The following DMC1 variants were observed in gnomAD, a reference collection of about 807,000 sequenced individuals.
The protein encoded by DMC1 is DNA meiotic recombinase 1.
Under a neutral mutation model 50.1 loss-of-function variants are expected in DMC1, and 27 were observed. The ratio of observed to expected loss-of-function variants is 0.54; its 90% CI spans 0.40 to 0.74. The LOEUF (loss-of-function observed/expected upper bound fraction) is 0.74, where lower values mean the gene tolerates loss of function less well. DMC1 is among the 30% of genes least tolerant of loss of function. DMC1 has a pLI of 0.00. For missense variants in DMC1, 295 were observed against 420.2 expected, an observed-to-expected ratio of 0.70 and a Z score of 2.60; for synonymous variants, 148 against 136.1, an observed-to-expected ratio of 1.09 and a Z score of -0.61.
rs373409161 is a variant in DMC1, at chr22:38,569,423, G to A, written c.-34+620C>T. 1.2e-4 allele frequency: 18 copies of A among 152,208 alleles called. 1 individual carries two copies. The East Asian group carries it at 2.9e-3, about 24-fold the overall frequency. The allele number at this position is 152,208 out of a possible 1,614,324, so 9.4% of individuals were successfully genotyped here. On this transcript the variant is annotated intron_variant, in intron 1 of 13. Transcript: ENST00000216024. ...AAAGGGAACGAACCATTAATACTAAGGCAGGAGCAGGGTCCTACCACCCAG... is the reference window on the plus strand; with the variant it reads ...AAAGGGAACGAACCATTAATACTAAAGCAGGAGCAGGGTCCTACCACCCAG...
intron 8 of DMC1, among the ~76,000 whole-genome samples, chr22:38,545,281 C>T (rs535140263): frequency 1.8e-4 from 27 of 152,064 alleles, no homozygotes; most frequent in Admixed American, 9.2e-4. Context: ...CATGGTGGCA[C>T]GCACCTGTAG....
At chr22:38,550,653 G>A (rs1425309704) in intron 7 of DMC1, among the ~76,000 whole-genome samples, 4 of 149,980 alleles carry the variant, frequency 2.7e-5, no homozygotes, top group African/African-American at 7.3e-5. Context: ...AAATATGGCC[G>A]GGCATGGTGG....
chr22:38,559,132 C>T (rs562367254), intron 5 of DMC1, among the ~76,000 whole-genome samples: 4 of 152,252 alleles, frequency 2.6e-5, no homozygotes, highest in Admixed American at 2.0e-4. Context: ...CAGGTTCAAG[C>T]GATTCTCCTG....
chr22:38,554,748 G>T (rs940403684), intron 6 of DMC1, among the ~76,000 whole-genome samples: 1 of 151,714 alleles, frequency 6.6e-6, no homozygotes, highest in Admixed American at 6.6e-5. Context: ...AACATTAATT[G>T]CCTAGAAATA....
intron 5 of DMC1, among the ~76,000 whole-genome samples, chr22:38,559,797 A>C (rs1249870855): frequency 3.3e-5 from 5 of 152,032 alleles, no homozygotes; most frequent in Non-Finnish European, 7.4e-5. Context: ...GAAGCGGTGG[A>C]TCATGGGATC....
intron 8 of DMC1, among the ~76,000 whole-genome samples, chr22:38,542,213 G>C (rs1371669312): frequency 6.6e-6 from 1 of 151,324 alleles, no homozygotes; most frequent in Non-Finnish European, 1.5e-5. Context: ...AGAGCAATCA[G>C]ACAAGAGAAA....
At position 38,555,218 on chromosome 22, in the gene DMC1, T is replaced by A. The variant is rs2090457107; in HGVS notation, c.379+139A>T. 4.9e-6 allele frequency: 3 copies of A among 617,446 alleles called. No individual in the cohort carries two copies. In the Admixed American group the frequency reaches 8.5e-5, roughly 18 times the overall value. 38.2% of individuals were successfully genotyped at this position (617,446 alleles called of 1,614,324 possible). A position where few individuals can be genotyped will look rare whatever the true frequency, so the allele number is the denominator to read the frequency against. ...AGTACAGAATGATCTCATGTTATGA[T>A]AATTGAGATTTTGTAAGTTCCAAAA... is the stretch of plus-strand genomic sequence containing the variant. On this transcript the variant is annotated intron_variant, in intron 6 of 13. Coordinates refer to ENST00000216024, the MANE Select transcript of DMC1 (RefSeq NM_007068.4).
In DMC1 at chr22:38,567,477, G is replaced by A. The variant is rs2090591914; in HGVS notation, c.96+106C>T. On this transcript the variant is annotated intron_variant, in intron 3 of 13. Coordinates refer to ENST00000216024, the MANE Select transcript of DMC1 (RefSeq NM_007068.4). The stretch of plus-strand genomic sequence containing the variant: ...TGTTGCAAACACCCTACAATGCACA[G>A]GACGTCCCCTTGCAACAAAGAATTA... The A allele has an allele frequency of 1.3e-5, 12 of 943,126 alleles. No individual in the cohort carries two copies. In the Admixed American group the frequency reaches 1.9e-4, roughly 15 times the overall value. The allele number at this position is 943,126 out of a possible 1,614,324, so 58.4% of individuals were successfully genotyped here.
In DMC1 at chr22:38,519,926, A is replaced by G; in HGVS notation, c.*94T>C. 9.6e-7 allele frequency: 1 copy of G among 1,042,242 alleles called. No individual in the cohort carries two copies. The highest frequency in any genetic ancestry group is 1.3e-5 in the South Asian group (1 of 78,548). 64.6% of individuals were successfully genotyped at this position (1,042,242 alleles called of 1,614,324 possible). The stretch of plus-strand genomic sequence containing the variant: ...ACTTTTCTTTAGTAACATGTGGGAA[A>G]AAACCTCTATTTCAAGATGTGAAAT... On this transcript the variant is annotated 3_prime_UTR_variant, in exon 14 of 14. Coordinates refer to ENST00000216024, the MANE Select transcript of DMC1 (RefSeq NM_007068.4).
At chr22:38,544,005 G>A (rs2145895502) in intron 8 of DMC1, among the ~76,000 whole-genome samples, 1 of 152,298 alleles carries the variant, frequency 6.6e-6, no homozygotes, top group Middle Eastern at 3.4e-3. Context: ...GTTCAGATGT[G>A]CTCTCGCCAT....
In DMC1 at chr22:38,543,361, C is replaced by T. The variant is rs187313419; in HGVS notation, c.495-3949G>A. Reference sequence around the variant, plus strand: ...TCTCCTGCCTCAGCCACCTGAGTAGCTGCGACTACAGGTGCCCGCCACCAT... The same window carrying T: ...TCTCCTGCCTCAGCCACCTGAGTAGTTGCGACTACAGGTGCCCGCCACCAT... On this transcript the variant is annotated intron_variant, in intron 8 of 13. Transcript: ENST00000216024. Among the ~76,000 whole-genome samples, 634 of 152,102 alleles carry T rather than the reference C, an allele frequency of 4.2e-3. 2 individuals carry two copies. Among genetic ancestry groups the T allele is most frequent in the Middle Eastern group, 0.01 (3 of 294 alleles).
the DMC1 span, among the ~76,000 whole-genome samples, chr22:38,513,400 G>A: frequency 1.3e-5 from 2 of 152,232 alleles, no homozygotes; most frequent in Admixed American, 6.5e-5. Context: ...GTGTTATTAT[G>A]ATGGAGAAAT....
At chr22:38,548,379 G>A (rs1433246165) in intron 8 of DMC1, among the ~76,000 whole-genome samples, 2 of 152,204 alleles carry the variant, frequency 1.3e-5, no homozygotes, top group African/African-American at 4.8e-5. Flanking sequence ...TTGGAGATCA[G>A]CCTGGGCAAC....
At chr22:38,557,345 T>C (rs1366800585) in intron 5 of DMC1, among the ~76,000 whole-genome samples, 1 of 151,382 alleles carries the variant, frequency 6.6e-6, no homozygotes, top group Non-Finnish European at 1.5e-5. Context: ...GTAGAAATAG[T>C]GTTTTTAAAT....
In DMC1 at chr22:38,519,449, AT is replaced by A. The variant is rs2056887546; in HGVS notation, c.*570del. 1 of 153,266 alleles carries A rather than the reference AT, an allele frequency of 6.5e-6. No individual in the cohort carries two copies. The highest frequency in any genetic ancestry group is 1.5e-5 in the Non-Finnish European group (1 of 68,804). 9.5% of individuals were successfully genotyped at this position (153,266 alleles called of 1,614,324 possible). On this transcript the variant is annotated 3_prime_UTR_variant, in exon 14 of 14. Transcript: ENST00000216024. ...AATTTAATGTCTGTTTTCTGTTGCT[AT>A]AAAGGTGAATATGCAGTTTGATATT...
chr22:38,512,000 G>A, the DMC1 span, among the ~76,000 whole-genome samples: 1 of 150,640 alleles, frequency 6.6e-6, no homozygotes, highest in Non-Finnish European at 1.5e-5. Flanking sequence ...TTTGAGACAG[G>A]GTCTCACTCT....
In DMC1 at chr22:38,555,340, A is replaced by G; in HGVS notation, c.379+17T>C. ...TGTATAATATTTCATTTAACAAAAT[A>G]TTAAGGTTCTACCTACCTCCAAAAG... is the stretch of plus-strand genomic sequence containing the variant. On this transcript the variant is annotated intron_variant, in intron 6 of 13. Coordinates refer to ENST00000216024, the MANE Select transcript of DMC1 (RefSeq NM_007068.4). 1 of 1,571,568 alleles carries G rather than the reference A, an allele frequency of 6.4e-7. No individual in the cohort carries two copies. Among genetic ancestry groups the G allele is most frequent in the Non-Finnish European group, 8.8e-7 (1 of 1,141,784 alleles).
intron 8 of DMC1, among the ~76,000 whole-genome samples, chr22:38,540,143 T>A (rs907357658): frequency 7.2e-5 from 11 of 152,222 alleles, no homozygotes; most frequent in Admixed American, 1.3e-4. Flanking sequence ...GTTAGCTTTT[T>A]TTTTGTTTTC....
intron 3 of DMC1, 95 bp from the exon 4 acceptor site, chr22:38,566,831 C>T (rs939372301): frequency 4.7e-6 from 6 of 1,289,136 alleles, no homozygotes; most frequent in African/African-American, 4.4e-5. Flanking sequence ...TCTCCTTCCA[C>T]CATGATGCCA....
Sources: allele counts gnomAD v4.1 joint callset (sites outside exome capture counted in the v4.1 genomes callset), GRCh38; gene constraint gnomAD v4.1.1; transcripts MANE v1.5; gene names NCBI Gene and HGNC (gene_info 2026-07-23, HGNC 2026-07-21).